Variants in RPSA2 observed in about 807,000 individuals in gnomAD.
RPSA2 encodes the protein small ribosomal subunit protein uS2B.
the RPSA2 span, among the ~76,000 whole-genome samples, chr19:23,847,100 G>C: frequency 6.6e-6 from 1 of 151,556 alleles, no homozygotes; most frequent in African/African-American, 2.4e-5. Context: ...TAAAAGACCT[G>C]TTTAAAGGTC....
At chr19:23,822,769 G>C in the RPSA2 span, among the ~76,000 whole-genome samples, 1 of 152,108 alleles carries the variant, frequency 6.6e-6, no homozygotes, top group Non-Finnish European at 1.5e-5. Flanking sequence ...GCTGCTCAGT[G>C]GCCAGCCTTG....
chr19:23,870,898 G>A, the RPSA2 span, among the ~76,000 whole-genome samples: 25 of 152,286 alleles, frequency 1.6e-4, no homozygotes, highest in East Asian at 4.8e-3. Context: ...CAGAATGTGG[G>A]CAAACTCACA....
the RPSA2 span, among the ~76,000 whole-genome samples, chr19:23,840,763 G>A: frequency 6.6e-6 from 1 of 151,206 alleles, no homozygotes; most frequent in Non-Finnish European, 1.5e-5. Flanking sequence ...TTTGAGACCA[G>A]CCTGACCAAC....
At chr19:23,840,089 A>G in the RPSA2 span, among the ~76,000 whole-genome samples, 1 of 148,430 alleles carries the variant, frequency 6.7e-6, no homozygotes, top group African/African-American at 2.5e-5. Flanking sequence ...AAGGAATCAG[A>G]GAAGAGAGAA....
chr19:23,758,644 C>T, the RPSA2 span: 2 of 1,575,330 alleles, frequency 1.3e-6, no homozygotes, highest in East Asian at 2.2e-5. Context: ...GCCGCCTGGG[C>T]GAGGAGAACT....
the RPSA2 span, among the ~76,000 whole-genome samples, chr19:23,835,337 A>G: frequency 6.7e-6 from 1 of 149,412 alleles, no homozygotes; most frequent in East Asian, 1.9e-4. Flanking sequence ...TAAATAAATT[A>G]TGGAGTAAGT....
chr19:23,855,122 G>A, the RPSA2 span, among the ~76,000 whole-genome samples: 1 of 152,112 alleles, frequency 6.6e-6, no homozygotes, highest in Non-Finnish European at 1.5e-5. Context: ...ACACAACTTT[G>A]TTACTTGTTC....
At chr19:23,816,383 G>A in the RPSA2 span, among the ~76,000 whole-genome samples, 18 of 152,028 alleles carry the variant, frequency 1.2e-4, no homozygotes, top group East Asian at 1.2e-3. Flanking sequence ...TGATCAGCCC[G>A]CCTTAACCTC....
chr19:23,865,114 C>T, the RPSA2 span, among the ~76,000 whole-genome samples: 1 of 152,140 alleles, frequency 6.6e-6, no homozygotes, highest in Non-Finnish European at 1.5e-5. Context: ...TGCTGGAGCA[C>T]AGGAAGTGAA....
At chr19:23,793,520 ATCTT>A in the RPSA2 span, among the ~76,000 whole-genome samples, 1 of 151,570 alleles carries the variant, frequency 6.6e-6, no homozygotes, top group East Asian at 1.9e-4. Context: ...CAGTGGCATG[ATCTT>A]GGCTCACTGC....
the RPSA2 span, among the ~76,000 whole-genome samples, chr19:23,774,811 T>C: frequency 1.3e-5 from 2 of 152,116 alleles, no homozygotes; most frequent in South Asian, 4.1e-4. Flanking sequence ...CAGGAGGAAA[T>C]TGAACTTATC....
At chr19:23,838,697 C>T in the RPSA2 span, among the ~76,000 whole-genome samples, 1 of 151,868 alleles carries the variant, frequency 6.6e-6, no homozygotes, top group Non-Finnish European at 1.5e-5. Context: ...GGAATTTATC[C>T]ATCTCTTCTA....
chr19:23,842,400 A>G, the RPSA2 span: 5 of 152,332 alleles, frequency 3.3e-5, no homozygotes, highest in Admixed American at 3.3e-4. Context: ...GCATTAGAGA[A>G]TCTTTCTCTG....
At chr19:23,832,505 T>A in the RPSA2 span, 1 of 588,514 alleles carries the variant, frequency 1.7e-6, no homozygotes, top group African/African-American at 2.0e-5. Context: ...TAGCCAAAAC[T>A]CAAACCTTAC....
the RPSA2 span, among the ~76,000 whole-genome samples, chr19:23,821,990 C>T: frequency 3.9e-5 from 6 of 152,176 alleles, no homozygotes; most frequent in Non-Finnish European, 5.9e-5. Context: ...AACCCTCTAG[C>T]TTTTGCAGCT....
the RPSA2 span, among the ~76,000 whole-genome samples, chr19:23,787,340 T>C: frequency 2.0e-5 from 3 of 151,986 alleles, no homozygotes; most frequent in Non-Finnish European, 4.4e-5. Context: ...TGGTGACTCA[T>C]GCCTGTAATC....
the RPSA2 span, among the ~76,000 whole-genome samples, chr19:23,857,109 C>A: frequency 1.3e-5 from 2 of 152,124 alleles, no homozygotes; most frequent in African/African-American, 2.4e-5. Flanking sequence ...TAGACCTCCC[C>A]CCAGGAATGA....
At chr19:23,778,120 A>C in the RPSA2 span, among the ~76,000 whole-genome samples, 32 of 152,160 alleles carry the variant, frequency 2.1e-4, no homozygotes, top group African/African-American at 2.9e-4. Flanking sequence ...GACCAGAACC[A>C]ATGTAATTTG....
chr19:23,839,146 A>G, the RPSA2 span, among the ~76,000 whole-genome samples: 2 of 152,064 alleles, frequency 1.3e-5, no homozygotes, highest in East Asian at 3.9e-4. Flanking sequence ...CATTATTGTC[A>G]TTAAGTTGAA....
Sources: gnomAD v4.1 joint callset for allele counts (sites outside exome capture counted in the v4.1 genomes callset) on GRCh38, gnomAD v4.1.1 for gene constraint, MANE v1.5 for transcripts, NCBI Gene and HGNC (gene_info 2026-07-23, HGNC 2026-07-21) for gene names.